Variants in STOX2 observed in about 807,000 individuals in gnomAD.
STOX2 encodes the protein storkhead-box protein 2.
In STOX2, 28 loss-of-function variants were observed where a neutral mutation model predicts 60.9. The ratio of observed to expected loss-of-function variants is 0.46; its 90% confidence interval spans 0.34 to 0.63. The LOEUF (loss-of-function observed/expected upper bound fraction) is 0.63, where lower values mean the gene tolerates loss of function less well. Among genes scored for constraint, STOX2 ranks in the 30% least tolerant of loss-of-function variants. The pLI, the probability that STOX2 is intolerant of heterozygous loss-of-function variation, is 0.01. For missense variants in STOX2, 1,024 were observed against 1,187.7 expected (o/e 0.86, Z 2.03); for synonymous variants, 472 against 463.9 (o/e 1.02, Z -0.22).
At chr4:183,908,233 A>G (rs1177325117) in intron 1 of STOX2, among the ~76,000 whole-genome samples, 1 of 152,260 alleles carries the variant, frequency 6.6e-6, no homozygotes. Context: ...ATGAAAAGCC[A>G]AATTCGTAAA....
upstream of STOX2, among the ~76,000 whole-genome samples, chr4:183,904,858 A>G (rs1741544307): frequency 6.6e-6 from 1 of 152,256 alleles, no homozygotes; most frequent in South Asian, 2.1e-4. Flanking sequence ...CTAACCAGCT[A>G]GAATCCACTG....
Position 183,865,414 on chromosome 4 carries a change from C to T in STOX2, c.364+67359C>T, listed in dbSNP as rs763698344. On this transcript the variant is annotated intron_variant, in intron 1 of 2. Transcript: ENST00000513034. The surrounding 1 kb of genome is among the most constrained non-coding windows in gnomAD (Gnocchi z 4.1). ...CATGAACAATTACTATAGAAACTGCCACAAACATATTAAGCACATAGAGGG... is the reference window on the plus strand; with the variant it reads ...CATGAACAATTACTATAGAAACTGCTACAAACATATTAAGCACATAGAGGG... Among the ~76,000 whole-genome samples the T allele has an allele frequency of 1.3e-5, 2 of 151,968 alleles. No individual in the cohort carries two copies. Among genetic ancestry groups the T allele is most frequent in the Non-Finnish European group, 2.9e-5 (2 of 68,014 alleles).
rs1003293917 is a variant in STOX2, at chr4:183,932,423, A to G, written c.166+25467A>G. On this transcript the variant is annotated intron_variant, in intron 1 of 3. Transcript: ENST00000308497. Reference sequence around the variant, plus strand: ...CAGTATATGTATGTATACATACAGTATATGTATGTATACATACAGTATATG... The same window carrying G: ...CAGTATATGTATGTATACATACAGTGTATGTATGTATACATACAGTATATG... 3.4e-5 allele frequency among the ~76,000 whole-genome samples: 3 copies of G among 87,590 alleles called. No individual in the cohort carries two copies. In the Admixed American group the frequency reaches 3.6e-4, roughly 11 times the overall value. 57.5% of individuals were successfully genotyped at this position (87,590 alleles called of 152,430 possible). A position where few individuals can be genotyped will look rare whatever the true frequency, so the allele number is the denominator to read the frequency against.
At chr4:183,886,457 A>G (rs1406869157) in intron 1 of STOX2, among the ~76,000 whole-genome samples, 1 of 152,226 alleles carries the variant, frequency 6.6e-6, no homozygotes, top group Non-Finnish European at 1.5e-5. Flanking sequence ...TCAGTAATAC[A>G]GACTGAGAAG....
intron 1 of STOX2, among the ~76,000 whole-genome samples, chr4:183,893,344 C>A (rs1489963362): frequency 1.3e-5 from 2 of 152,174 alleles, no homozygotes; most frequent in Non-Finnish European, 2.9e-5. Context: ...CTAACAGCCT[C>A]GTCTATGGTC....
chr4:183,818,073 CT>C (rs1390666515), intron 1 of STOX2, among the ~76,000 whole-genome samples: 1 of 149,794 alleles, frequency 6.7e-6, no homozygotes. Flanking sequence ...AAATATTTTT[CT>C]TTTTTTCTTT....
intron 2 of STOX2, among the ~76,000 whole-genome samples, chr4:184,004,760 G>T (rs887369709): frequency 5.3e-5 from 8 of 152,080 alleles, no homozygotes; most frequent in African/African-American, 1.9e-4. Context: ...TTTTTAAAAG[G>T]TTTATAAAGA....
At chr4:183,866,358 G>A (rs1254485577) in intron 1 of STOX2, among the ~76,000 whole-genome samples, 2 of 152,132 alleles carry the variant, frequency 1.3e-5, no homozygotes, top group South Asian at 2.1e-4. Flanking sequence ...ATATTATAAT[G>A]AGTGAGGAAA....
intron 1 of STOX2, among the ~76,000 whole-genome samples, chr4:183,938,095 G>C (rs1353191350): frequency 6.6e-6 from 1 of 152,176 alleles, no homozygotes; most frequent in African/African-American, 2.4e-5. Context: ...GCTGCAGTGA[G>C]CTGTGATTGC....
At chr4:183,843,840 T>C (rs1579326305) in intron 1 of STOX2, among the ~76,000 whole-genome samples, 1 of 152,254 alleles carries the variant, frequency 6.6e-6, no homozygotes, top group African/African-American at 2.4e-5. Flanking sequence ...CTTTTCTTCA[T>C]ACGTCACTGT....
chr4:183,824,263 G>A (rs1168455765), intron 1 of STOX2, among the ~76,000 whole-genome samples: 2 of 151,996 alleles, frequency 1.3e-5, no homozygotes, highest in Non-Finnish European at 2.9e-5. Context: ...TTTTTTCTGG[G>A]TCATAAAGCT....
chr4:183,884,246 A>AG (rs11385176), intron 1 of STOX2, among the ~76,000 whole-genome samples: 150,341 of 152,246 alleles, frequency 0.99, 74,251 homozygotes, highest in Middle Eastern at 1. Context: ...AGTATATTAA[A>AG]AAACTTGTCA....
intron 1 of STOX2, among the ~76,000 whole-genome samples, chr4:183,807,719 C>T (rs1200512082): frequency 2.0e-5 from 3 of 152,132 alleles, no homozygotes; most frequent in African/African-American, 7.2e-5. Context: ...GTGGGGTAGG[C>T]AGGTGAGGGC....
intron 1 of STOX2, among the ~76,000 whole-genome samples, chr4:183,926,345 C>T (rs1742240505): frequency 6.6e-6 from 1 of 152,128 alleles, no homozygotes; most frequent in African/African-American, 2.4e-5. Flanking sequence ...AGAAACACGT[C>T]ATTTTCCCCA....
At chr4:183,864,736 A>G (rs1740526221) in intron 1 of STOX2, among the ~76,000 whole-genome samples, 1 of 152,172 alleles carries the variant, frequency 6.6e-6, no homozygotes, top group African/African-American at 2.4e-5. Context: ...TGTAGATAAC[A>G]ATCCAAATCC....
chr4:183,862,364 CAG>C (rs577465341), intron 1 of STOX2, among the ~76,000 whole-genome samples: 45 of 152,296 alleles, frequency 3.0e-4, no homozygotes, highest in African/African-American at 1.0e-3. Flanking sequence ...TGAGTAGAGA[CAG>C]GGTTTCACCA....
intron 1 of STOX2, chr4:183,798,535 C>T (rs887787038): frequency 8.6e-6 from 7 of 817,364 alleles, no homozygotes; most frequent in South Asian, 5.6e-5. Context: ...CCCTGGGCGG[C>T]GACTGCGGGG....
At position 183,963,585 on chromosome 4, in the gene STOX2, C is replaced by T. The variant is rs1743474341; in HGVS notation, c.167-37740C>T. Among the ~76,000 whole-genome samples the T allele has an allele frequency of 2.0e-5, 3 of 151,884 alleles. No homozygotes were observed. The South Asian group carries it at 6.2e-4, about 32-fold the overall frequency. On this transcript the variant is annotated intron_variant, in intron 1 of 3. Coordinates refer to ENST00000308497, the MANE Select transcript of STOX2 (RefSeq NM_020225.3). ...GGGATTATAGGTGCCCGCCACCACA[C>T]CCGGCTAATTTTTGTATTTTAGTAG...
At position 184,017,212 on chromosome 4, in the gene STOX2, G is replaced by T; in HGVS notation, c.2709G>T (p.Glu903Asp). The T allele has an allele frequency of 1.2e-6, 2 of 1,611,254 alleles. No individual in the cohort carries two copies. The highest frequency in any genetic ancestry group is 1.7e-6 in the Non-Finnish European group (2 of 1,178,708). Residue 903 changes from glutamate to aspartate, a missense_variant, in exon 4 of 4, where the codon GAG becomes GAT. By Grantham distance (45) the Glu-to-Asp change is conservative. This residue lies in a region of STOX2 where 922 missense variants were observed against 1,058.3 expected (regional missense o/e 0.87). Transcript: ENST00000308497. ...GPAFNFRASA[E>D]PPTNEAEKLQ... is the part of the protein sequence containing the mutation. Reference sequence around the variant, plus strand: ...CCTTCAACTTCCGAGCGAGCGCGGAGCCCCCGACAAATGAAGCTGAGAAGC... The same window carrying T: ...CCTTCAACTTCCGAGCGAGCGCGGATCCCCCGACAAATGAAGCTGAGAAGC...
Sources: gnomAD v4.1 joint callset for allele counts (sites outside exome capture counted in the v4.1 genomes callset) on GRCh38, gnomAD v4.1.1 for gene constraint, gnomAD v4.1.1 regional missense constraint, Gnocchi (gnomAD v3.1) non-coding constraint, MANE v1.5 for transcripts, NCBI Gene and HGNC (gene_info 2026-07-23, HGNC 2026-07-21) for gene names.